Variants in PARD3B observed in about 807,000 individuals in gnomAD.
PARD3B encodes par-3 family cell polarity regulator beta, also known as partitioning defective 3 homolog B.
A neutral mutation model predicts 130.2 loss-of-function variants in PARD3B; 103 were observed. That is an observed-to-expected ratio of 0.79 (90% confidence interval 0.67 to 0.93). The LOEUF (loss-of-function observed/expected upper bound fraction) is 0.93, where lower values mean the gene tolerates loss of function less well. Among genes scored for constraint, PARD3B ranks in the 40% least tolerant of loss-of-function variants. The pLI is 0.00. For synonymous variants in PARD3B, 583 were observed against 553.2 expected, an observed-to-expected ratio of 1.05 and a Z score of -0.76; for missense variants, 1,609 against 1,499.2, an observed-to-expected ratio of 1.07 and a Z score of -1.21.
chr2:204,805,632 C>G (rs1017250580), intron 2 of PARD3B, among the ~76,000 whole-genome samples: 1 of 152,054 alleles, frequency 6.6e-6, no homozygotes. Flanking sequence ...AGGCCAATAT[C>G]CCTGATGAAC....
chr2:204,900,828 C>G (rs2046826822), intron 2 of PARD3B, among the ~76,000 whole-genome samples: 1 of 152,136 alleles, frequency 6.6e-6, no homozygotes, highest in Non-Finnish European at 1.5e-5. Context: ...TCACTGCAGC[C>G]ACATCTGCAT....
intron 18 of PARD3B, among the ~76,000 whole-genome samples, chr2:205,336,017 C>G (rs889879010): frequency 6.6e-6 from 1 of 152,112 alleles, no homozygotes; most frequent in African/African-American, 2.4e-5. Context: ...TGGGTGGGGA[C>G]ACAGCCAAAC....
intron 18 of PARD3B, among the ~76,000 whole-genome samples, chr2:205,311,034 T>C (rs908452468): frequency 1.6e-4 from 24 of 152,188 alleles, no homozygotes; most frequent in African/African-American, 5.1e-4. Context: ...CTGAATAGTA[T>C]TTCGTTGTGT....
intron 13 of PARD3B, among the ~76,000 whole-genome samples, chr2:205,182,319 G>A (rs1396072460): frequency 4.0e-5 from 6 of 150,714 alleles, no homozygotes; most frequent in Non-Finnish European, 7.4e-5. Flanking sequence ...AAAGTAACAA[G>A]GATAGAGAGT....
chr2:205,371,454 T>G (rs1032867826), intron 18 of PARD3B, among the ~76,000 whole-genome samples: 1 of 152,198 alleles, frequency 6.6e-6, no homozygotes, highest in Non-Finnish European at 1.5e-5. Context: ...GACTGTGATA[T>G]TGTCCTGAAT....
intron 1 of PARD3B, among the ~76,000 whole-genome samples, chr2:204,660,251 G>A (rs2035760361): frequency 6.6e-6 from 1 of 151,972 alleles, no homozygotes. Context: ...TCAATCAATA[G>A]TTTCCATTTC....
intron 18 of PARD3B, among the ~76,000 whole-genome samples, chr2:205,335,126 G>A (rs748782233): frequency 6.6e-6 from 1 of 152,126 alleles, no homozygotes; most frequent in Non-Finnish European, 1.5e-5. Flanking sequence ...TAGAGGCCAT[G>A]GGGATTTATA....
chr2:204,870,047 C>G (rs538077183), intron 2 of PARD3B, among the ~76,000 whole-genome samples: 1 of 152,138 alleles, frequency 6.6e-6, no homozygotes, highest in Non-Finnish European at 1.5e-5. Context: ...TACCCTCTTC[C>G]AGACCTGCCT....
At chr2:204,567,871 T>C (rs2031767245) in intron 1 of PARD3B, among the ~76,000 whole-genome samples, 1 of 152,230 alleles carries the variant, frequency 6.6e-6, no homozygotes, top group South Asian at 2.1e-4. Context: ...TCTGCCAACA[T>C]TTATTTCTGT....
chr2:204,901,779 A>T (rs1281280946), intron 2 of PARD3B, among the ~76,000 whole-genome samples: 1 of 152,090 alleles, frequency 6.6e-6, no homozygotes, highest in Non-Finnish European at 1.5e-5. Context: ...GCTGCTGATT[A>T]TTCAGATCCC....
At chr2:205,355,431 AATT>A (rs1191837868) in intron 18 of PARD3B, among the ~76,000 whole-genome samples, 2 of 152,222 alleles carry the variant, frequency 1.3e-5, no homozygotes, top group African/African-American at 4.8e-5. Context: ...ATAAGGCCAA[AATT>A]ATTATTTTTC....
chr2:205,227,396 C>T (rs2038612752), intron 15 of PARD3B, among the ~76,000 whole-genome samples: 1 of 152,088 alleles, frequency 6.6e-6, no homozygotes, highest in African/African-American at 2.4e-5. Context: ...ATTGCTATAT[C>T]CTTTTGCTGA....
chr2:204,762,057 A>G (rs889751144), intron 2 of PARD3B, among the ~76,000 whole-genome samples: 2 of 151,712 alleles, frequency 1.3e-5, no homozygotes, highest in African/African-American at 2.4e-5. Flanking sequence ...TTTAAAAAAA[A>G]TCAGATAATG....
At chr2:205,144,788 A>G (rs1308542925) in intron 10 of PARD3B, among the ~76,000 whole-genome samples, 1 of 152,184 alleles carries the variant, frequency 6.6e-6, no homozygotes, top group Non-Finnish European at 1.5e-5. Context: ...CATTAACAGC[A>G]TACTAAAGGG....
rs1470103462 is a variant in PARD3B at position 204,686,184 on chromosome 2, C to A, written c.124C>A (p.Pro42Thr). 2 of 1,603,244 alleles carry A rather than the reference C, an allele frequency of 1.2e-6. No individual in the cohort carries two copies. Among genetic ancestry groups the A allele is most frequent in the Non-Finnish European group, 1.7e-6 (2 of 1,170,460 alleles). ...QRYLKTREKGPGYWVKIHHLE... is the reference protein window; with the variant it reads ...QRYLKTREKGTGYWVKIHHLE... Reference sequence around the variant, plus strand: ...ACTTGTGTTTGTTCTACTATAGGGTCCTGGTTACTGGGTGAAGATTCATCA... The same window carrying A: ...ACTTGTGTTTGTTCTACTATAGGGTACTGGTTACTGGGTGAAGATTCATCA... Residue 42 changes from proline to threonine, a missense_variant, in exon 2 of 23, where the codon CCT becomes ACT. By Grantham distance (38) the Pro-to-Thr change is conservative. Coordinates refer to ENST00000406610, the MANE Select transcript of PARD3B (RefSeq NM_001302769.2).
intron 3 of PARD3B, among the ~76,000 whole-genome samples, chr2:204,983,333 C>T (rs1161586811): frequency 6.7e-6 from 1 of 149,132 alleles, no homozygotes; most frequent in Non-Finnish European, 1.5e-5. Context: ...TAACAACTGA[C>T]ATTTATGAAG....
At chr2:204,988,413 T>C (rs6731648) in intron 3 of PARD3B, among the ~76,000 whole-genome samples, 72,854 of 151,926 alleles carry the variant, frequency 0.48, 18,185 homozygotes, top group Admixed American at 0.59. Flanking sequence ...GAATAAGACA[T>C]AGAATGACTA....
intron 16 of PARD3B, among the ~76,000 whole-genome samples, chr2:205,297,825 C>G (rs1211171585): frequency 1.3e-5 from 2 of 152,164 alleles, no homozygotes; most frequent in Non-Finnish European, 2.9e-5. Context: ...TGTATTACAT[C>G]CAATAGAGTT....
chr2:204,963,134 C>G (rs767693972), intron 2 of PARD3B, among the ~76,000 whole-genome samples: 3 of 152,132 alleles, frequency 2.0e-5, no homozygotes, highest in African/African-American at 7.2e-5. Flanking sequence ...ATTAAAAAGA[C>G]TAGATTCCAC....
Sources: allele counts gnomAD v4.1 joint callset (sites outside exome capture counted in the v4.1 genomes callset), GRCh38; gene constraint gnomAD v4.1.1; transcripts MANE v1.5; gene names NCBI Gene and HGNC (gene_info 2026-07-23, HGNC 2026-07-21).